EXOC2: variants seen among roughly 807,000 people sequenced by gnomAD.
EXOC2 encodes exocyst complex component 2, also known as SEC5-like 1.
Under a neutral mutation model 131.8 loss-of-function variants are expected in EXOC2, and 70 were observed. The ratio of observed to expected loss-of-function variants is 0.53; its 90% CI spans 0.44 to 0.65. The LOEUF (loss-of-function observed/expected upper bound fraction) is 0.65. Ranked by LOEUF, EXOC2 falls within the 30% of genes least tolerant of loss-of-function variation. The probability of loss-of-function intolerance (pLI) is 0.00; values close to 1 mark genes in which losing one functional copy is unlikely to be tolerated. For missense variants in EXOC2, 923 were observed against 1,108.6 expected, an observed-to-expected ratio of 0.83 and a Z score of 2.38; for synonymous variants, 411 against 398.4, an observed-to-expected ratio of 1.03 and a Z score of -0.38.
chr6:559,512 C>T (rs899115634), intron 17 of EXOC2, among the ~76,000 whole-genome samples: 26 of 152,296 alleles, frequency 1.7e-4, no homozygotes, highest in Admixed American at 9.1e-4. Flanking sequence ...TGACTCCAGA[C>T]GTGCTATTTC....
At chr6:613,562 A>G (rs1216269548) in intron 6 of EXOC2, among the ~76,000 whole-genome samples, 1 of 152,222 alleles carries the variant, frequency 6.6e-6, no homozygotes, top group African/African-American at 2.4e-5. Flanking sequence ...ACATTTTCCA[A>G]TGTTTCCATA....
intron 23 of EXOC2, among the ~76,000 whole-genome samples, chr6:525,816 A>G (rs890275003): frequency 1.3e-5 from 2 of 152,012 alleles, no homozygotes; most frequent in Non-Finnish European, 2.9e-5. Flanking sequence ...AAAAATGAGG[A>G]AAGAATGAAT....
intron 1 of EXOC2, among the ~76,000 whole-genome samples, chr6:674,336 C>A (rs1402261075): frequency 1.3e-5 from 2 of 148,592 alleles, no homozygotes; most frequent in African/African-American, 5.0e-5. Context: ...ATTTGTTTAG[C>A]CTTGGAAGTG....
intron 6 of EXOC2, among the ~76,000 whole-genome samples, chr6:612,783 G>C (rs561721366): frequency 6.6e-6 from 1 of 151,220 alleles, no homozygotes; most frequent in South Asian, 2.1e-4. Flanking sequence ...GCGCAGGGAG[G>C]AACATGCGTA....
At chr6:529,127 C>G (rs6938145) in intron 23 of EXOC2, among the ~76,000 whole-genome samples, 27,616 of 146,592 alleles carry the variant, frequency 0.19, 3,425 homozygotes, top group East Asian at 0.48. Flanking sequence ...CCCCCCCCCG[C>G]GCCCTGGTTA....
chr6:508,047 T>C (rs1349992430), intron 23 of EXOC2, among the ~76,000 whole-genome samples: 1 of 152,050 alleles, frequency 6.6e-6, no homozygotes, highest in Non-Finnish European at 1.5e-5. Context: ...TATGAATATA[T>C]TTTTTTCCTA....
At chr6:518,781 A>C (rs1765301855) in intron 23 of EXOC2, among the ~76,000 whole-genome samples, 1 of 152,158 alleles carries the variant, frequency 6.6e-6, no homozygotes, top group Non-Finnish European at 1.5e-5. Flanking sequence ...TGAAAATTAT[A>C]CTCCTTTAGA....
intron 11 of EXOC2, among the ~76,000 whole-genome samples, chr6:581,333 A>C (rs9328290): frequency 0.51 from 77,963 of 151,464 alleles, 21,564 homozygotes; most frequent in Admixed American, 0.64. Flanking sequence ...AAACTGTATC[A>C]GAATTTTATA....
Position 585,209 on chromosome 6 carries a change from G to A in EXOC2, c.1192+7260C>T, listed in dbSNP as rs540229505. ...TCCATCAGTATTTAGAAGGTTTCAA[G>A]ATGAGTTTTTAAAATATTAACCTTA... On this transcript the variant is annotated intron_variant, in intron 11 of 27. Coordinates refer to ENST00000230449, the MANE Select transcript of EXOC2 (RefSeq NM_018303.6). Among the ~76,000 whole-genome samples the A allele has an allele frequency of 5.3e-4, 80 of 152,342 alleles. No individual in the cohort carries two copies. The South Asian group carries it at 0.016, about 31-fold the overall frequency.
chr6:659,546 A>G (rs1042058028), intron 1 of EXOC2, among the ~76,000 whole-genome samples: 1 of 152,254 alleles, frequency 6.6e-6, no homozygotes, highest in African/African-American at 2.4e-5. Flanking sequence ...GAGTGCCCCA[A>G]CTGTGGAAGT....
At chr6:641,113 T>C (rs1009564629) in intron 1 of EXOC2, among the ~76,000 whole-genome samples, 12 of 152,046 alleles carry the variant, frequency 7.9e-5, no homozygotes, top group African/African-American at 2.7e-4. Flanking sequence ...AAGGCGGATG[T>C]GTGTTTGGGG....
chr6:607,846 AAAC>A (rs1322350811), intron 7 of EXOC2, among the ~76,000 whole-genome samples: 1 of 152,244 alleles, frequency 6.6e-6, no homozygotes, highest in Non-Finnish European at 1.5e-5. Context: ...TGAAAACAAA[AAAC>A]AATTTCTTTT....
At chr6:558,549 C>T (rs1035658308) in intron 17 of EXOC2, among the ~76,000 whole-genome samples, 3 of 152,180 alleles carry the variant, frequency 2.0e-5, no homozygotes, top group Non-Finnish European at 2.9e-5. Flanking sequence ...CGATGGCTCA[C>T]GCTCGTAATC....
chr6:627,733 T>C (rs998266070), intron 4 of EXOC2, among the ~76,000 whole-genome samples: 1 of 152,192 alleles, frequency 6.6e-6, no homozygotes, highest in African/African-American at 2.4e-5. Context: ...TCCTTAATTA[T>C]GAGTTAAATA....
chr6:545,432 T>A (rs1433694056), intron 22 of EXOC2, among the ~76,000 whole-genome samples: 2 of 152,226 alleles, frequency 1.3e-5, no homozygotes, highest in Non-Finnish European at 2.9e-5. Flanking sequence ...ATTTGGTTGG[T>A]GGCAAATTTG....
intron 26 of EXOC2, among the ~76,000 whole-genome samples, chr6:489,942 G>A (rs535806927): frequency 2.0e-5 from 3 of 152,206 alleles, no homozygotes; most frequent in South Asian, 4.1e-4. Context: ...AGCTGCTCCC[G>A]GGAGGGCGCG....
At chr6:544,796 G>C (rs940109975) in intron 22 of EXOC2, among the ~76,000 whole-genome samples, 1 of 152,170 alleles carries the variant, frequency 6.6e-6, no homozygotes, top group Non-Finnish European at 1.5e-5. Context: ...ATAAGAAAAA[G>C]GAGCTGCCCC....
Position 560,562 on chromosome 6 carries a change from T to C in EXOC2, c.1851+2222A>G, listed in dbSNP as rs371366050. 3.9e-5 allele frequency among the ~76,000 whole-genome samples: 6 copies of C among 152,348 alleles called. No homozygotes were observed. In the East Asian group the frequency reaches 5.8e-4, roughly 15 times the overall value. On this transcript the variant is annotated intron_variant, in intron 17 of 27. Transcript: ENST00000230449. ...AGGTAGTGCATGTAAAACGTGGAGA[T>C]GGTTCACATTCTGCCTTTTGTGCAG...
chr6:684,962 T>C (rs951033868), intron 1 of EXOC2, among the ~76,000 whole-genome samples: 3 of 152,162 alleles, frequency 2.0e-5, no homozygotes, highest in African/African-American at 7.2e-5. Context: ...CAGATGTTCT[T>C]CTCAGCTAGA....
Sources: gnomAD v4.1 joint callset for allele counts (sites outside exome capture counted in the v4.1 genomes callset) on GRCh38, gnomAD v4.1.1 for gene constraint, MANE v1.5 for transcripts, NCBI Gene and HGNC (gene_info 2026-07-23, HGNC 2026-07-21) for gene names.